Variants in TUBA8 observed in about 807,000 individuals in gnomAD.
The protein encoded by TUBA8 is tubulin alpha-8 chain.
TUBA8 carries 29 observed loss-of-function variants against 34.7 expected under a neutral mutation model. That is an observed-to-expected ratio of 0.84 (90% CI 0.62 to 1.14). The LOEUF (loss-of-function observed/expected upper bound fraction) is 1.14, where lower values mean the gene tolerates loss of function less well. Ranked by LOEUF, TUBA8 falls within the 50% of genes most tolerant of loss-of-function variation. TUBA8 has a pLI of 0.00. For synonymous variants in TUBA8, 226 were observed against 231.2 expected, an observed-to-expected ratio of 0.98 and a Z score of 0.21; for missense variants, 541 against 599.2, an observed-to-expected ratio of 0.90 and a Z score of 1.01.
Position 18,126,380 on chromosome 22 carries a change from C to T in TUBA8, c.402C>T (p.Gly134=). The T allele has an allele frequency of 6.2e-7, 1 of 1,614,136 alleles. No homozygotes were observed. Among genetic ancestry groups the T allele is most frequent in the Non-Finnish European group, 8.5e-7 (1 of 1,180,022 alleles). ...KLTDACSGLQ[G]FLIFHSFGGG... is the part of the protein sequence containing the mutation. Reference sequence around the variant, plus strand: ...CAGATGCTTGCTCTGGCCTGCAGGGCTTCCTGATTTTCCACAGTTTTGGTG... The same window carrying T: ...CAGATGCTTGCTCTGGCCTGCAGGGTTTCCTGATTTTCCACAGTTTTGGTG... Residue 134 remains glycine, a synonymous_variant, in exon 4 of 5, where the codon GGC becomes GGT. Transcript: ENST00000330423. This position sits in a 1 kb window ranked among gnomAD's most constrained non-coding sequence, Gnocchi z 4.0.
rs1928164711 is a variant in TUBA8, at chr22:18,121,980, G to A, written c.226+279G>A. 1 of 434,384 alleles carries A rather than the reference G, an allele frequency of 2.3e-6. No homozygotes were observed. The allele number at this position is 434,384 out of a possible 1,614,324, so 26.9% of individuals were successfully genotyped here. On this transcript the variant is annotated intron_variant, in intron 2 of 4. Transcript: ENST00000330423. The surrounding 1 kb of genome is among the most constrained non-coding windows in gnomAD (Gnocchi z 4.8). ...TGGTCACATCGCTACTAAATACTAA[G>A]GATAAGAAAATCCAAATAATTTTAG...
Position 18,124,019 on chromosome 22 carries a change from A to G in TUBA8, c.227-137A>G. ...AATTCTCTTAGCCTTTTGCAGATTC[A>G]TTACGAGGTGGTCTGGCTTCAAACC... is the stretch of plus-strand genomic sequence containing the variant. On this transcript the variant is annotated intron_variant, in intron 2 of 4. Coordinates refer to ENST00000330423, the MANE Select transcript of TUBA8 (RefSeq NM_018943.3). The surrounding 1 kb of genome is among the most constrained non-coding windows in gnomAD (Gnocchi z 4.3). The G allele has an allele frequency of 9.6e-7, 1 of 1,044,748 alleles. No homozygotes were observed. Among genetic ancestry groups the G allele is most frequent in the East Asian group, 2.5e-5 (1 of 39,974 alleles). 64.7% of individuals were successfully genotyped at this position (1,044,748 alleles called of 1,614,324 possible). A position where few individuals can be genotyped will look rare whatever the true frequency, so the allele number is the denominator to read the frequency against.
At position 18,121,414 on chromosome 22, in the gene TUBA8, G is replaced by C. The variant is rs750989240; in HGVS notation, c.4-65G>C. On this transcript the variant is annotated intron_variant, in intron 1 of 4. Transcript: ENST00000330423. This position sits in a 1 kb window ranked among gnomAD's most constrained non-coding sequence, Gnocchi z 4.8. ...TGGCCTGCAAGGTGAATGTTATGGG[G>C]ATGTAGGGCAAAGGCATGCTGGGGG... is the stretch of plus-strand genomic sequence containing the variant. The C allele has an allele frequency of 7.0e-7, 1 of 1,429,088 alleles. No individual in the cohort carries two copies. 88.5% of individuals were successfully genotyped at this position (1,429,088 alleles called of 1,614,324 possible).
intron 1 of TUBA8, chr22:18,113,502 A>T (rs971628889): frequency 2.6e-5 from 4 of 152,198 alleles, no homozygotes; most frequent in African/African-American, 9.7e-5. Context: ...GTTTATGGGG[A>T]GGTGGGAACA....
rs1479653905 is a variant in TUBA8, at chr22:18,111,712, C to T, written c.3+844C>T. 1 of 152,212 alleles carries T rather than the reference C, an allele frequency of 6.6e-6. No homozygotes were observed. The highest frequency in any genetic ancestry group is 1.5e-5 in the Non-Finnish European group (1 of 68,082). The allele number at this position is 152,212 out of a possible 1,614,324, so 9.4% of individuals were successfully genotyped here. ...CCAAAGCCCAGAATCCCAGGAATCC[C>T]TCCTGGACCCCTGATCTTTCAGCAG... On this transcript the variant is annotated intron_variant, in intron 1 of 4. Transcript: ENST00000330423. This position sits in a 1 kb window ranked among gnomAD's most constrained non-coding sequence, Gnocchi z 5.1.
In TUBA8 at chr22:18,131,498, A is replaced by G; in HGVS notation, c.*362A>G. On this transcript the variant is annotated 3_prime_UTR_variant, in exon 5 of 5. Coordinates refer to ENST00000330423, the MANE Select transcript of TUBA8 (RefSeq NM_018943.3). The surrounding 1 kb of genome is among the most constrained non-coding windows in gnomAD (Gnocchi z 5.3). ...GGCTGGGGAGTGGGAACACTCAGAG[A>G]AAGGGGAGATCTGGGCCTGGGAAGA... 1 of 327,764 alleles carries G rather than the reference A, an allele frequency of 3.1e-6. No homozygotes were observed. The allele number at this position is 327,764 out of a possible 1,614,324, so 20.3% of individuals were successfully genotyped here.
chr22:18,112,207 C>T (rs570769665), intron 1 of TUBA8: 1 of 152,304 alleles, frequency 6.6e-6, no homozygotes, highest in African/African-American at 2.4e-5. Flanking sequence ...TTCAAATTTC[C>T]AAGACTCCAC....
rs377420893 is a variant in TUBA8 at position 18,126,405 on chromosome 22, G to A, written c.427G>A (p.Gly143Arg). ...QGFLIFHSFG[G>R]GTGSGFTSLL... ...CTTCCTGATTTTCCACAGTTTTGGT[G>A]GGGGCACTGGCTCCGGCTTCACTTC... The change falls in exon 4 of 5, where the codon GGG becomes AGG. Residue 143 changes from glycine (G) to arginine (R), a missense_variant. Transcript: ENST00000330423. The surrounding 1 kb of genome is among the most constrained non-coding windows in gnomAD (Gnocchi z 4.0). The A allele has an allele frequency of 2.5e-6, 4 of 1,613,882 alleles. No homozygotes were observed. The highest frequency in any genetic ancestry group is 3.4e-6 in the Non-Finnish European group (4 of 1,179,998).
chr22:18,124,066 G>C lies in TUBA8; in HGVS notation c.227-90G>C. On this transcript the variant is annotated intron_variant, in intron 2 of 4. Coordinates refer to ENST00000330423, the MANE Select transcript of TUBA8 (RefSeq NM_018943.3). The surrounding 1 kb of genome is among the most constrained non-coding windows in gnomAD (Gnocchi z 4.3). Reference sequence around the variant, plus strand: ...AACCTCCATGGAGTTTTATAGGTAGGGGAGAACGGAAGGGGTCCTGCGGTA... The same window carrying C: ...AACCTCCATGGAGTTTTATAGGTAGCGGAGAACGGAAGGGGTCCTGCGGTA... The C allele has an allele frequency of 2.0e-6, 3 of 1,519,494 alleles. No homozygotes were observed. Among genetic ancestry groups the C allele is most frequent in the Non-Finnish European group, 2.7e-6 (3 of 1,099,806 alleles). 94.1% of individuals were successfully genotyped at this position (1,519,494 alleles called of 1,614,324 possible).
rs577138092 is a variant in TUBA8 at position 18,111,268 on chromosome 22, T to G, written c.3+400T>G. 13 of 287,416 alleles carry G rather than the reference T, an allele frequency of 4.5e-5. No homozygotes were observed. The East Asian group carries it at 9.3e-4, about 20-fold the overall frequency. 17.8% of individuals were successfully genotyped at this position (287,416 alleles called of 1,614,324 possible). ...GGGCCGGGGCGACTGGGGGGCCAGA[T>G]GCAGTCACGTCTCCGAACCCAGCCT... On this transcript the variant is annotated intron_variant, in intron 1 of 4. Coordinates refer to ENST00000330423, the MANE Select transcript of TUBA8 (RefSeq NM_018943.3). This position sits in a 1 kb window ranked among gnomAD's most constrained non-coding sequence, Gnocchi z 5.1.
rs764819598 is a variant in TUBA8, at chr22:18,121,595, T to C, written c.120T>C (p.Ala40=). The C allele has an allele frequency of 6.2e-7, 1 of 1,614,152 alleles. No individual in the cohort carries two copies. Among genetic ancestry groups the C allele is most frequent in the South Asian group, 1.1e-5 (1 of 91,082 alleles). ...IQADGTFDAQ[A]SKINDDDSFT... is the part of the protein sequence containing the mutation. ...CAGACGGCACTTTTGATGCTCAAGC[T>C]AGCAAGATCAACGATGATGACTCCT... Residue 40 remains alanine, a synonymous_variant, in exon 2 of 5, where the codon GCT becomes GCC. Transcript: ENST00000330423. The surrounding 1 kb of genome is among the most constrained non-coding windows in gnomAD (Gnocchi z 4.8).
chr22:18,122,415 C>A (rs940907523), intron 2 of TUBA8: 1 of 152,458 alleles, frequency 6.6e-6, no homozygotes, highest in Non-Finnish European at 1.5e-5. Flanking sequence ...AGATGCTCCA[C>A]CCCCTGGATG....
intron 2 of TUBA8, chr22:18,122,623 C>T (rs1928180267): frequency 6.6e-6 from 1 of 152,060 alleles, no homozygotes; most frequent in African/African-American, 2.4e-5. Context: ...GGCTCTTGCT[C>T]CTCTATGACT....
rs759839883 is a variant in TUBA8, at chr22:18,131,142, T to C, written c.*6T>C. 2.5e-6 allele frequency: 4 copies of C among 1,609,396 alleles called. No individual in the cohort carries two copies. The highest frequency in any genetic ancestry group is 2.2e-5 in the South Asian group (2 of 90,970). On this transcript the variant is annotated 3_prime_UTR_variant, in exon 5 of 5. Transcript: ENST00000330423. The surrounding 1 kb of genome is among the most constrained non-coding windows in gnomAD (Gnocchi z 5.3). ...ATGAAGGGGAGGAATTTTAAATATA[T>C]ACCTTCCCCTTGGCTGTGTCTCTTT...
chr22:18,129,218 G>C (rs1928424962), intron 4 of TUBA8: 1 of 152,182 alleles, frequency 6.6e-6, no homozygotes, highest in Non-Finnish European at 1.5e-5. Context: ...CAACCAGCTA[G>C]TAGGAGAATG....
rs1313506170 is a variant in TUBA8, at chr22:18,121,602, A to T, written c.127A>T (p.Ile43Phe). ...DGTFDAQASKINDDDSFTTFF... is the reference protein window; with the variant it reads ...DGTFDAQASKFNDDDSFTTFF... The stretch of plus-strand genomic sequence containing the variant: ...CACTTTTGATGCTCAAGCTAGCAAG[A>T]TCAACGATGATGACTCCTTCACCAC... Residue 43 changes from isoleucine (I) to phenylalanine (F), a missense_variant, in exon 2 of 5, where the codon ATC becomes TTC. Physicochemically the swap from Ile to Phe is conservative, Grantham distance 21. Transcript: ENST00000330423. The surrounding 1 kb of genome is among the most constrained non-coding windows in gnomAD (Gnocchi z 4.8). 11 of 1,614,196 alleles carry T rather than the reference A, an allele frequency of 6.8e-6. No homozygotes were observed. Among genetic ancestry groups the T allele is most frequent in the Non-Finnish European group, 8.5e-6 (10 of 1,180,038 alleles).
chr22:18,125,378 G>A (rs999479111), intron 3 of TUBA8: 2 of 152,004 alleles, frequency 1.3e-5, no homozygotes, highest in Admixed American at 6.6e-5. Flanking sequence ...AGCTGGGCAT[G>A]GTAGCATGCG....
At chr22:18,122,132 A>T (rs1209569724) in intron 2 of TUBA8, 2 of 172,200 alleles carry the variant, frequency 1.2e-5, no homozygotes, top group African/African-American at 4.8e-5. Context: ...ACATTGCTTC[A>T]CAGCCAGGGG....
At position 18,121,403 on chromosome 22, in the gene TUBA8, A is replaced by G. The variant is rs1175960943; in HGVS notation, c.4-76A>G. On this transcript the variant is annotated intron_variant, in intron 1 of 4. Coordinates refer to ENST00000330423, the MANE Select transcript of TUBA8 (RefSeq NM_018943.3). This position sits in a 1 kb window ranked among gnomAD's most constrained non-coding sequence, Gnocchi z 4.8. ...TGGGGCCTGGCTGGCCTGCAAGGTG[A>G]ATGTTATGGGGATGTAGGGCAAAGG... 7.4e-7 allele frequency: 1 copy of G among 1,351,172 alleles called. No individual in the cohort carries two copies. The allele number at this position is 1,351,172 out of a possible 1,614,324, so 83.7% of individuals were successfully genotyped here.
Sources: gnomAD v4.1 joint callset for allele counts on GRCh38, gnomAD v4.1.1 for gene constraint, Gnocchi (gnomAD v3.1) non-coding constraint, MANE v1.5 for transcripts, NCBI Gene and HGNC (gene_info 2026-07-23, HGNC 2026-07-21) for gene names.